FTO: variants seen among roughly 807,000 people sequenced by gnomAD.
The protein encoded by FTO is FTO alpha-ketoglutarate dependent dioxygenase.
A neutral mutation model predicts 63.9 loss-of-function variants in FTO; 47 were observed. The observed-to-expected ratio is 0.74, with a 90% CI of 0.58 to 0.94. The LOEUF (loss-of-function observed/expected upper bound fraction) is 0.94. Ranked by LOEUF, FTO falls within the 40% of genes least tolerant of loss-of-function variation. The pLI, the probability that FTO is intolerant of heterozygous loss-of-function variation, is 0.00. For synonymous variants in FTO, 207 were observed against 224.4 expected (o/e 0.92, Z 0.69); for missense variants, 562 against 618.1 (o/e 0.91, Z 0.96).
At chr16:53,817,182 G>A (rs1168126636) in intron 2 of FTO, among the ~76,000 whole-genome samples, 2 of 152,208 alleles carry the variant, frequency 1.3e-5, no homozygotes, top group Non-Finnish European at 2.9e-5. Flanking sequence ...ATGAAATGAA[G>A]TATTGAATGA....
intron 5 of FTO, among the ~76,000 whole-genome samples, chr16:53,874,191 A>C (rs2080582822): frequency 6.6e-6 from 1 of 152,226 alleles, no homozygotes; most frequent in Non-Finnish European, 1.5e-5. Flanking sequence ...GATGACCAGA[A>C]GAATTGGGGC....
chr16:53,874,111 A>G (rs984962076), intron 5 of FTO, among the ~76,000 whole-genome samples: 2 of 152,186 alleles, frequency 1.3e-5, no homozygotes, highest in African/African-American at 4.8e-5. Context: ...GAGAAGGAAA[A>G]TGCCGTTGAC....
chr16:53,973,397 A>G (rs2083373516), intron 8 of FTO, among the ~76,000 whole-genome samples: 1 of 152,214 alleles, frequency 6.6e-6, no homozygotes, highest in South Asian at 2.1e-4. Context: ...CTACTTAAAT[A>G]CCACTTCCAA....
intron 8 of FTO, among the ~76,000 whole-genome samples, chr16:54,048,301 G>T (rs956141608): frequency 6.7e-6 from 1 of 149,932 alleles, no homozygotes; most frequent in Non-Finnish European, 1.5e-5. Flanking sequence ...TGCTTGGGTG[G>T]AGTAGGTACA....
At chr16:54,018,818 C>G (rs944507575) in intron 8 of FTO, among the ~76,000 whole-genome samples, 2 of 152,132 alleles carry the variant, frequency 1.3e-5, no homozygotes, top group African/African-American at 4.8e-5. Flanking sequence ...TCAATTAAAC[C>G]TCTTTCCTTT....
chr16:53,969,546 G>A (rs1403617341), intron 8 of FTO, among the ~76,000 whole-genome samples: 8 of 152,136 alleles, frequency 5.3e-5, no homozygotes. Flanking sequence ...ACTGTCATTG[G>A]TAGTTTGTGC....
At chr16:54,041,242 C>T (rs1011406846) in intron 8 of FTO, among the ~76,000 whole-genome samples, 34 of 152,010 alleles carry the variant, frequency 2.2e-4, no homozygotes, top group African/African-American at 8.0e-4. Flanking sequence ...TGGTGGAAGG[C>T]GAAGGGAAAG....
chr16:53,704,163 C>A lies in FTO; in HGVS notation c.-22C>A, dbSNP rs1381119580. The A allele has an allele frequency of 1.3e-6, 2 of 1,551,404 alleles. No individual in the cohort carries two copies. The highest frequency in any genetic ancestry group is 1.2e-5 in the South Asian group (1 of 84,056). On this transcript the variant is annotated 5_prime_UTR_variant, in exon 1 of 9. Coordinates refer to ENST00000471389, the MANE Select transcript of FTO (RefSeq NM_001080432.3). ...GAGGGATCTACGCAGCTTGCGGTGG[C>A]GAAGGCGGCTTTAGTGGCAGCATGA...
rs969529838 is a variant in FTO at position 53,792,090 on chromosome 16, A to T, written c.46-18050A>T. Among the ~76,000 whole-genome samples the T allele has an allele frequency of 3.9e-3, 589 of 152,034 alleles. 2 individuals carry two copies. Among genetic ancestry groups the T allele is most frequent in the South Asian group, 0.017 (80 of 4,822 alleles). ...GACTTCGTCTCAAAAAAAAAAAAAA[A>T]AAATAAAAATAAAAAAAATAAAGCG... On this transcript the variant is annotated intron_variant, in intron 1 of 8. Transcript: ENST00000471389.
At chr16:53,850,013 AT>A (rs1327279911) in intron 4 of FTO, among the ~76,000 whole-genome samples, 1 of 152,230 alleles carries the variant, frequency 6.6e-6, no homozygotes, top group Non-Finnish European at 1.5e-5. Context: ...CACATAATTT[AT>A]GGCTTAATCA....
At chr16:53,850,052 CCT>C (rs1432188461) in intron 4 of FTO, among the ~76,000 whole-genome samples, 1 of 152,058 alleles carries the variant, frequency 6.6e-6, no homozygotes, top group Non-Finnish European at 1.5e-5. Context: ...TACTTTATTA[CCT>C]CTCATGGGTC....
At chr16:53,993,349 T>A (rs549492319) in intron 8 of FTO, 1 of 152,372 alleles carries the variant, frequency 6.6e-6, no homozygotes, top group Non-Finnish European at 1.5e-5. Context: ...TTAGCCTCTG[T>A]AGCTGTTTTA....
intron 8 of FTO, among the ~76,000 whole-genome samples, chr16:54,014,079 G>C (rs1449813301): frequency 1.3e-5 from 2 of 152,118 alleles, no homozygotes; most frequent in Non-Finnish European, 2.9e-5. Context: ...TATTTTACAG[G>C]AAATGCGTTT....
At chr16:53,980,473 C>T (rs1050892189) in intron 8 of FTO, among the ~76,000 whole-genome samples, 12 of 152,194 alleles carry the variant, frequency 7.9e-5, no homozygotes, top group Non-Finnish European at 4.4e-5. Context: ...CCAATGCATA[C>T]GCCCCTCTTC....
chr16:53,759,923 TGGGC>T (rs951878529), intron 1 of FTO, among the ~76,000 whole-genome samples: 16 of 148,010 alleles, frequency 1.1e-4, no homozygotes, highest in Non-Finnish European at 1.5e-4. Flanking sequence ...AGGGTTTCCT[TGGGC>T]CAATGCTTCA....
At chr16:53,882,781 G>A (rs776296502) in intron 6 of FTO, among the ~76,000 whole-genome samples, 5 of 152,186 alleles carry the variant, frequency 3.3e-5, no homozygotes, top group African/African-American at 4.8e-5. Flanking sequence ...CGTCTCCCAT[G>A]GCAACATATA....
intron 1 of FTO, among the ~76,000 whole-genome samples, chr16:53,738,152 A>G (rs1190951678): frequency 6.6e-6 from 1 of 151,186 alleles, no homozygotes; most frequent in African/African-American, 2.4e-5. Context: ...CCTTCCGGGT[A>G]GCTGGGATTA....
chr16:53,736,477 A>AC (rs1169808769), intron 1 of FTO, among the ~76,000 whole-genome samples: 3 of 151,862 alleles, frequency 2.0e-5, no homozygotes, highest in Non-Finnish European at 2.9e-5. Context: ...TCTGTCACTC[A>AC]CCAAGTCTTT....
chr16:54,099,380 A>C lies in FTO; in HGVS notation c.1365-12382A>C, dbSNP rs541933894. On this transcript the variant is annotated intron_variant, in intron 8 of 8. Coordinates refer to ENST00000471389, the MANE Select transcript of FTO (RefSeq NM_001080432.3). ...ACTCTAGACTGCTTTGAAATTGTATATCTTTTGTTGAGCACATTTCTGCAG... is the reference window on the plus strand; with the variant it reads ...ACTCTAGACTGCTTTGAAATTGTATCTCTTTTGTTGAGCACATTTCTGCAG... Among the ~76,000 whole-genome samples the C allele has an allele frequency of 9.2e-5, 14 of 152,256 alleles. No individual in the cohort carries two copies. In the South Asian group the frequency reaches 2.1e-3, roughly 23 times the overall value.
Sources: gnomAD v4.1 joint callset for allele counts (sites outside exome capture counted in the v4.1 genomes callset) on GRCh38, gnomAD v4.1.1 for gene constraint, MANE v1.5 for transcripts, NCBI Gene and HGNC (gene_info 2026-07-23, HGNC 2026-07-21) for gene names.